Variants in DENND2B observed in about 807,000 individuals in gnomAD.
DENND2B encodes the protein DENN domain containing 2B.
Under a neutral mutation model 116.0 loss-of-function variants are expected in DENND2B, and 32 were observed. The observed-to-expected ratio is 0.28, with a 90% CI of 0.21 to 0.37. The LOEUF (loss-of-function observed/expected upper bound fraction) is 0.37, where lower values mean the gene tolerates loss of function less well. Among genes scored for constraint, DENND2B ranks in the 10% least tolerant of loss-of-function variants. The pLI, the probability that DENND2B is intolerant of heterozygous loss-of-function variation, is 1.00. For missense variants in DENND2B, 1,276 were observed against 1,477.7 expected (o/e 0.86, Z 2.24); for synonymous variants, 588 against 583.9 (o/e 1.01, Z -0.10).
At chr11:8,699,066 A>G in intron 15 of DENND2B, 92 bp from the exon 16 acceptor site, 1 of 1,569,250 alleles carries the variant, frequency 6.4e-7, no homozygotes, top group Non-Finnish European at 8.7e-7. Context: ...TCCCAGGGTC[A>G]GCTAACAGGA....
At chr11:8,698,073 C>T (rs1224442857) in intron 16 of DENND2B, 8 of 296,330 alleles carry the variant, frequency 2.7e-5, no homozygotes, top group Middle Eastern at 6.3e-4. Context: ...CCAGGCAGGT[C>T]GAGGCTGCAG....
chr11:8,774,868 T>TTG lies in DENND2B; in HGVS notation c.-25-24144_-25-24143insCA, dbSNP rs1565919330. Among the ~76,000 whole-genome samples the TTG allele has an allele frequency of 6.5e-4, 95 of 146,832 alleles. 1 individual carries two copies. The highest frequency in any genetic ancestry group is 2.3e-3 in the African/African-American group (92 of 40,386). The stretch of plus-strand genomic sequence containing the variant: ...TAGGTCTTCTTATTTTTTTCGTTTT[T>TTG]TTTTTTTAATTATTATTTTCACTTT... On this transcript the variant is annotated intron_variant, in intron 1 of 19. Transcript: ENST00000313726.
rs1166744876 is a variant in DENND2B at position 8,712,903 on chromosome 11, CCCCTGCACAAAGACTCTG to C, written c.1988-186_1988-169del. 6.6e-6 allele frequency among the ~76,000 whole-genome samples: 1 copy of C among 152,184 alleles called. No individual in the cohort carries two copies. Among genetic ancestry groups the C allele is most frequent in the African/African-American group, 2.4e-5 (1 of 41,436 alleles). On this transcript the variant is annotated intron_variant, in intron 8 of 19. Coordinates refer to ENST00000313726, the MANE Select transcript of DENND2B (RefSeq NM_213618.2). This position sits in a 1 kb window ranked among gnomAD's most constrained non-coding sequence, Gnocchi z 4.4. ...AGGACCGGCAGGCACAAGGTGCTGA[CCCCTGCACAAAGACTCTG>C]CCCTGACACAGGAAGCTGCGGGCCT... is the stretch of plus-strand genomic sequence containing the variant.
At chr11:8,744,026 G>A (rs779740259) in intron 2 of DENND2B, among the ~76,000 whole-genome samples, 3 of 152,084 alleles carry the variant, frequency 2.0e-5, no homozygotes, top group Non-Finnish European at 4.4e-5. Flanking sequence ...TTGCATTACA[G>A]GTATGAGCTA....
rs1006820556 is a variant in DENND2B, at chr11:8,865,958, CT to C, written c.-250+4995del. Among the ~76,000 whole-genome samples the C allele has an allele frequency of 4.2e-4, 63 of 150,446 alleles. 1 individual carries two copies. Among genetic ancestry groups the C allele is most frequent in the Non-Finnish European group, 1.2e-4 (8 of 67,422 alleles). On this transcript the variant is annotated intron_variant, in intron 2 of 6. Transcript: ENST00000524757. ...ATATTGCAGCCCTATTTTTCTTTTT[CT>C]TTTTTTTTCTTTTATTTTGAGACGG...
intron 4 of DENND2B, among the ~76,000 whole-genome samples, chr11:8,817,035 C>T (rs2061592981): frequency 6.6e-6 from 1 of 152,140 alleles, no homozygotes; most frequent in African/African-American, 2.4e-5. Context: ...ATGGAAGACT[C>T]AGGCTTCCTG....
At chr11:8,734,228 T>G (rs1254761845) in intron 2 of DENND2B, among the ~76,000 whole-genome samples, 1 of 152,238 alleles carries the variant, frequency 6.6e-6, no homozygotes, top group Non-Finnish European at 1.5e-5. Flanking sequence ...ACATCCAGTT[T>G]CATTTCTTCA....
intron 4 of DENND2B, among the ~76,000 whole-genome samples, chr11:8,833,157 C>T (rs1014954160): frequency 2.0e-5 from 3 of 152,200 alleles, no homozygotes; most frequent in Non-Finnish European, 4.4e-5. Context: ...TTCTCTCAGT[C>T]ATGCTTCAGA....
At chr11:8,892,215 CAG>C (rs1252760307) in intron 1 of DENND2B, among the ~76,000 whole-genome samples, 2 of 152,112 alleles carry the variant, frequency 1.3e-5, no homozygotes, top group African/African-American at 2.4e-5. Context: ...CACAACATAC[CAG>C]AGTCTCTGGG....
intron 13 of DENND2B, among the ~76,000 whole-genome samples, chr11:8,706,232 T>C (rs888072974): frequency 6.6e-6 from 1 of 152,150 alleles, no homozygotes; most frequent in Non-Finnish European, 1.5e-5. Context: ...CTGCACAATA[T>C]GGGTGGCAGA....
chr11:8,743,388 A>G (rs1031655741), intron 2 of DENND2B, among the ~76,000 whole-genome samples: 4 of 151,690 alleles, frequency 2.6e-5, no homozygotes, highest in African/African-American at 9.7e-5. Context: ...CGTCTCTACT[A>G]AAAATGCAAA....
At chr11:8,705,205 C>T (rs999854174) in intron 13 of DENND2B, among the ~76,000 whole-genome samples, 3 of 152,178 alleles carry the variant, frequency 2.0e-5, no homozygotes, top group Non-Finnish European at 2.9e-5. Flanking sequence ...TACAAACTAC[C>T]ATCCCTAACA....
chr11:8,721,205 C>CA (rs1435337947), intron 4 of DENND2B, among the ~76,000 whole-genome samples: 1 of 152,016 alleles, frequency 6.6e-6, no homozygotes, highest in African/African-American at 2.4e-5. Context: ...AAAGGTGTCA[C>CA]ACAAATCCTC....
chr11:8,850,846 TA>T (rs543282503), intron 3 of DENND2B, among the ~76,000 whole-genome samples: 1 of 151,960 alleles, frequency 6.6e-6, no homozygotes, highest in Middle Eastern at 3.2e-3. Context: ...TATTCAGCTA[TA>T]AAAAAAGAAG....
At chr11:8,734,758 C>T (rs1021668609) in intron 2 of DENND2B, among the ~76,000 whole-genome samples, 26 of 141,844 alleles carry the variant, frequency 1.8e-4, no homozygotes, top group Admixed American at 1.6e-3. Flanking sequence ...CATTGCACTC[C>T]GGCCTGGGCA....
At chr11:8,877,881 ATAAGT>A (rs1248512342) in intron 2 of DENND2B, among the ~76,000 whole-genome samples, 1 of 152,246 alleles carries the variant, frequency 6.6e-6, no homozygotes, top group Non-Finnish European at 1.5e-5. Context: ...AATAAAAGTA[ATAAGT>A]TGTGTAAGCA....
At chr11:8,797,454 C>T (rs1194288388) in intron 1 of DENND2B, among the ~76,000 whole-genome samples, 1 of 116,692 alleles carries the variant, frequency 8.6e-6, no homozygotes, top group African/African-American at 3.0e-5. Flanking sequence ...CCCCCTTCTT[C>T]CTCCTTCTTC....
intron 2 of DENND2B, among the ~76,000 whole-genome samples, chr11:8,867,400 C>G (rs1402497116): frequency 1.3e-5 from 2 of 152,042 alleles, no homozygotes. Flanking sequence ...ATCTCTAAAT[C>G]CTGGCTTTCC....
intron 1 of DENND2B, among the ~76,000 whole-genome samples, chr11:8,881,433 G>A (rs1358450581): frequency 6.6e-6 from 1 of 151,914 alleles, no homozygotes; most frequent in Non-Finnish European, 1.5e-5. Context: ...CTGTCTTTTT[G>A]TTCTACTGTA....
Sources: gnomAD v4.1 joint callset for allele counts (sites outside exome capture counted in the v4.1 genomes callset) on GRCh38, gnomAD v4.1.1 for gene constraint, Gnocchi (gnomAD v3.1) non-coding constraint, MANE v1.5 for transcripts, NCBI Gene and HGNC (gene_info 2026-07-23, HGNC 2026-07-21) for gene names.